The following EVC variants were observed in gnomAD, a reference collection of about 807,000 sequenced individuals.
The protein encoded by EVC is EvC ciliary complex subunit 1, also known as evC complex member EVC.
EVC carries 116 observed loss-of-function variants against 118.9 expected under a neutral mutation model. The observed-to-expected ratio is 0.98, with a 90% confidence interval of 0.84 to 1.14. EVC has a LOEUF of 1.14. Ranked by LOEUF, EVC falls within the 50% of genes most tolerant of loss-of-function variation. The pLI is 0.00. For synonymous variants in EVC, 619 were observed against 534.7 expected (o/e 1.16, Z -2.18); for missense variants, 1,401 against 1,246.4 (o/e 1.12, Z -1.87).
At chr4:5,721,726 G>T (rs1409732586) in intron 2 of EVC, among the ~76,000 whole-genome samples, 2 of 152,202 alleles carry the variant, frequency 1.3e-5, no homozygotes, top group Non-Finnish European at 2.9e-5. Flanking sequence ...AATCAGCTGG[G>T]TGTGGTGGTG....
chr4:5,767,232 C>G (rs1405119167), intron 11 of EVC, among the ~76,000 whole-genome samples: 1 of 152,036 alleles, frequency 6.6e-6, no homozygotes, highest in African/African-American at 2.4e-5. Context: ...GTTCAGGGAC[C>G]CACTTGAGGA....
At position 5,789,445 on chromosome 4, in the gene EVC, G is replaced by GC. The variant is rs1174222995; in HGVS notation, c.1777-4157dup. On this transcript the variant is annotated intron_variant, in intron 12 of 20. Coordinates refer to ENST00000264956, the MANE Select transcript of EVC (RefSeq NM_153717.3). This position sits in a 1 kb window ranked among gnomAD's most constrained non-coding sequence, Gnocchi z 4.3. ...TGACCATGCTGTTTAAAACTGCAATGCCCCCCTCACCCCCAGCACTCCAGT... is the reference window on the plus strand; with the variant it reads ...TGACCATGCTGTTTAAAACTGCAATGCCCCCCCTCACCCCCAGCACTCCAGT... Among the ~76,000 whole-genome samples the GC allele has an allele frequency of 1.3e-5, 2 of 152,112 alleles. No homozygotes were observed. The highest frequency in any genetic ancestry group is 2.9e-5 in the Non-Finnish European group (2 of 68,012).
chr4:5,727,948 A>C (rs4619832), intron 2 of EVC, among the ~76,000 whole-genome samples: 123,036 of 144,296 alleles, frequency 0.85, 52,720 homozygotes, highest in Middle Eastern at 0.89. Flanking sequence ...GTTTTGGTAC[A>C]AGTACCATGC....
At position 5,737,117 on chromosome 4, in the gene EVC, A is replaced by AC. The variant is rs1727815956; in HGVS notation, c.702+3682_702+3683insC. ...AAACAACCTTATTGCTGATATGGAGAAAGTCTGAGTGGTCTGCATAGAAGA... is the reference window on the plus strand; with the variant it reads ...AAACAACCTTATTGCTGATATGGAGACAAGTCTGAGTGGTCTGCATAGAAGA... On this transcript the variant is annotated intron_variant, in intron 5 of 20. Transcript: ENST00000264956. This position sits in a 1 kb window ranked among gnomAD's most constrained non-coding sequence, Gnocchi z 5.0. Among the ~76,000 whole-genome samples, 1 of 152,230 alleles carries AC rather than the reference A, an allele frequency of 6.6e-6. No individual in the cohort carries two copies. Among genetic ancestry groups the AC allele is most frequent in the African/African-American group, 2.4e-5 (1 of 41,460 alleles).
chr4:5,781,846 C>T (rs536929222), intron 11 of EVC, among the ~76,000 whole-genome samples: 1 of 152,142 alleles, frequency 6.6e-6, no homozygotes, highest in African/African-American at 2.4e-5. Flanking sequence ...AAACAAAAAG[C>T]ATCTGCACAA....
At chr4:5,733,024 A>C (rs564449297) in intron 4 of EVC, among the ~76,000 whole-genome samples, 1 of 152,194 alleles carries the variant, frequency 6.6e-6, no homozygotes, top group South Asian at 2.1e-4. Flanking sequence ...AAGATAAGTA[A>C]ATAAATTTTT....
At chr4:5,817,586 C>G (rs906460528), downstream of EVC, among the ~76,000 whole-genome samples, 3 of 152,200 alleles carry the variant, frequency 2.0e-5, no homozygotes, top group African/African-American at 7.2e-5. Flanking sequence ...CTAAGAGCCC[C>G]TTTTGCTTAG....
intron 17 of EVC, 146 bp downstream of exon 17, chr4:5,804,987 C>T: frequency 1.2e-5 from 9 of 729,028 alleles, no homozygotes; most frequent in Non-Finnish European, 2.2e-5. Flanking sequence ...CTGCCTCTGT[C>T]CTGGTCTCTG....
At chr4:5,783,060 C>T (rs371869624) in intron 11 of EVC, among the ~76,000 whole-genome samples, 12 of 151,730 alleles carry the variant, frequency 7.9e-5, no homozygotes, top group African/African-American at 2.7e-4. Context: ...TCTAAGGTGA[C>T]GGGTGCATCC....
chr4:5,767,855 C>G (rs1733191253), intron 11 of EVC, among the ~76,000 whole-genome samples: 1 of 152,182 alleles, frequency 6.6e-6, no homozygotes, highest in African/African-American at 2.4e-5. Flanking sequence ...CAGAAATCAC[C>G]CATCTTCTGC....
chr4:5,717,935 T>C (rs187098440), intron 1 of EVC, among the ~76,000 whole-genome samples: 19 of 152,366 alleles, frequency 1.2e-4, no homozygotes, highest in African/African-American at 3.8e-4. Flanking sequence ...AGAGGCTGTG[T>C]ATTTTGTTCG....
At chr4:5,720,276 A>G (rs1004808882) in intron 2 of EVC, among the ~76,000 whole-genome samples, 2 of 152,082 alleles carry the variant, frequency 1.3e-5, no homozygotes, top group Non-Finnish European at 2.9e-5. Flanking sequence ...GCCAACACTC[A>G]CGTGAATGAT....
At chr4:5,803,040 G>C (rs545562740) in intron 16 of EVC, among the ~76,000 whole-genome samples, 4 of 152,324 alleles carry the variant, frequency 2.6e-5, no homozygotes, top group Non-Finnish European at 4.4e-5. Context: ...GGGGGTGTTT[G>C]AGACCCCAAG....
chr4:5,823,375 A>G, the EVC span, among the ~76,000 whole-genome samples: 1 of 152,266 alleles, frequency 6.6e-6, no homozygotes, highest in Non-Finnish European at 1.5e-5. Flanking sequence ...CCTAGCACTT[A>G]GTAACTTTTT....
intron 12 of EVC, among the ~76,000 whole-genome samples, chr4:5,785,266 G>C (rs1168684021): frequency 6.6e-6 from 1 of 152,228 alleles, no homozygotes; most frequent in Non-Finnish European, 1.5e-5. Flanking sequence ...GTGGGCTCCA[G>C]ATGGTGGAGC....
chr4:5,721,634 GAGGCGGGCAGACACTTA>G (rs1230178869), intron 2 of EVC, among the ~76,000 whole-genome samples: 1 of 152,168 alleles, frequency 6.6e-6, no homozygotes, highest in Admixed American at 6.5e-5. Flanking sequence ...TTGGGAGGCT[GAGGCGGGCAGACACTTA>G]AGGTCAGGAG....
At position 5,731,098 on chromosome 4, in the gene EVC, A is replaced by C. The variant is rs1043256201; in HGVS notation, c.385-327A>C. On this transcript the variant is annotated intron_variant, in intron 3 of 20. Coordinates refer to ENST00000264956, the MANE Select transcript of EVC (RefSeq NM_153717.3). This position sits in a 1 kb window ranked among gnomAD's most constrained non-coding sequence, Gnocchi z 5.6. ...AACTGGGTCAGGGCAAGCGGTGGCTATGGAGGAGGTAGGTCAGAGTTGGCA... is the reference window on the plus strand; with the variant it reads ...AACTGGGTCAGGGCAAGCGGTGGCTCTGGAGGAGGTAGGTCAGAGTTGGCA... 1.3e-5 allele frequency among the ~76,000 whole-genome samples: 2 copies of C among 151,924 alleles called. No individual in the cohort carries two copies. Among genetic ancestry groups the C allele is most frequent in the African/African-American group, 4.8e-5 (2 of 41,382 alleles).
rs1723020172 is a variant in EVC at position 5,711,527 on chromosome 4, C to T, written c.147C>T (p.Arg49=). ...GLGLGLWLGC[R]AGRQRTRHQK... is the part of the protein sequence containing the mutation. ...GCCTCGGCCTTTGGCTTGGCTGCCG[C>T]GCGGGCCGCCAGCGCACGCGACACC... Residue 49 remains arginine (R), a synonymous_variant, in exon 1 of 21, where the codon CGC becomes CGT. Coordinates refer to ENST00000264956, the MANE Select transcript of EVC (RefSeq NM_153717.3). 1.0e-5 allele frequency: 12 copies of T among 1,169,364 alleles called. No individual in the cohort carries two copies. Among genetic ancestry groups the T allele is most frequent in the Non-Finnish European group, 1.3e-5 (12 of 948,092 alleles). 72.4% of individuals were successfully genotyped at this position (1,169,364 alleles called of 1,614,324 possible). A position where few individuals can be genotyped will look rare whatever the true frequency, so the allele number is the denominator to read the frequency against.
Position 5,711,433 on chromosome 4 carries a change from G to T in EVC, c.53G>T (p.Arg18Leu), listed in dbSNP as rs997054588. Residue 18 changes from arginine to leucine, a missense_variant, in exon 1 of 21, where the codon CGG (arginine) becomes CTG (leucine). Physicochemically the swap from Arg to Leu is moderately radical, Grantham distance 102 (BLOSUM62 -2). Coordinates refer to ENST00000264956, the MANE Select transcript of EVC (RefSeq NM_153717.3). ...AGCGACGCGCGGCTGCTGCTGGGGCGGGACGCGCTGCGGCCGGCGCCCGCC... is the reference window on the plus strand; with the variant it reads ...AGCGACGCGCGGCTGCTGCTGGGGCTGGACGCGCTGCGGCCGGCGCCCGCC... ...CKSDARLLLGRDALRPAPALL... is the reference protein window; with the variant it reads ...CKSDARLLLGLDALRPAPALL... The T allele has an allele frequency of 1.9e-4, 191 of 1,023,790 alleles. No homozygotes were observed. The highest frequency in any genetic ancestry group is 2.1e-4 in the Non-Finnish European group (177 of 858,010). The allele number at this position is 1,023,790 out of a possible 1,614,324, so 63.4% of individuals were successfully genotyped here. A position where few individuals can be genotyped will look rare whatever the true frequency, so the allele number is the denominator to read the frequency against.
Sources: allele counts gnomAD v4.1 joint callset (sites outside exome capture counted in the v4.1 genomes callset), GRCh38; gene constraint gnomAD v4.1.1; non-coding constraint Gnocchi (gnomAD v3.1); transcripts MANE v1.5; gene names NCBI Gene and HGNC (gene_info 2026-07-23, HGNC 2026-07-21).